Variants in TTC23L observed in about 807,000 individuals in gnomAD.
TTC23L encodes tetratricopeptide repeat protein 23-like.
Under a neutral mutation model 48.1 loss-of-function variants are expected in TTC23L, and 42 were observed. That is an observed-to-expected ratio of 0.87 (90% CI 0.68 to 1.13). The LOEUF is 1.13. TTC23L is among the 50% of genes most tolerant of loss of function. The pLI is 0.00. For missense variants in TTC23L, 391 were observed against 421.0 expected (o/e 0.93, Z 0.62); for synonymous variants, 159 against 157.2 (o/e 1.01, Z -0.09).
intron 3 of TTC23L, among the ~76,000 whole-genome samples, chr5:34,846,605 A>ACACC: frequency 7.1e-6 from 1 of 140,548 alleles, no homozygotes; most frequent in Admixed American, 7.1e-5. Flanking sequence ...ATATATACAC[A>ACACC]CACATATATA....
chr5:34,846,667 A>ATGTG lies in TTC23L; in HGVS notation c.255+1032_255+1035dup, dbSNP rs869123650. 6.0e-3 allele frequency among the ~76,000 whole-genome samples: 398 copies of ATGTG among 66,334 alleles called. 4 individuals are homozygous for ATGTG. Among genetic ancestry groups the ATGTG allele is most frequent in the South Asian group, 0.025 (31 of 1,250 alleles). 43.5% of individuals were successfully genotyped at this position (66,334 alleles called of 152,430 possible). A position where few individuals can be genotyped will look rare whatever the true frequency, so the allele number is the denominator to read the frequency against. On this transcript the variant is annotated intron_variant, in intron 3 of 10. Coordinates refer to ENST00000505624, the Ensembl canonical transcript of TTC23L. ...TATATACAAATACATATATGTGTGT[A>ATGTG]TGTGTGTGTGTGTGTGTGTGTGTGT...
intron 9 of TTC23L, among the ~76,000 whole-genome samples, chr5:34,890,781 T>C (rs1198114998): frequency 6.6e-6 from 1 of 151,736 alleles, no homozygotes; most frequent in African/African-American, 2.4e-5. Flanking sequence ...CTGCCTGGAG[T>C]TTTTTTTAAA....
intron 9 of TTC23L, among the ~76,000 whole-genome samples, chr5:34,891,435 G>A (rs1457878386): frequency 6.6e-6 from 1 of 152,162 alleles, no homozygotes; most frequent in South Asian, 2.1e-4. Flanking sequence ...ATAGTACAGT[G>A]CCTGGCAGAG....
chr5:34,907,825 A>G, the TTC23L span: 1 of 152,368 alleles, frequency 6.6e-6, no homozygotes, highest in South Asian at 2.1e-4. Context: ...ACTTCAGAAC[A>G]TTTGCAAGGA....
chr5:34,854,147 CCTAA>C (rs1392580819), intron 4 of TTC23L, among the ~76,000 whole-genome samples: 1 of 152,160 alleles, frequency 6.6e-6, no homozygotes, highest in Non-Finnish European at 1.5e-5. Context: ...TCCTTTTCTC[CCTAA>C]CTGACAGTTT....
the TTC23L span, chr5:34,925,423 A>G: frequency 6.2e-7 from 1 of 1,614,024 alleles, no homozygotes; most frequent in Admixed American, 1.7e-5. Context: ...TTGATTTGAA[A>G]GCAAGAAAGA....
At chr5:34,847,899 C>G (rs772939866) in intron 3 of TTC23L, among the ~76,000 whole-genome samples, 22 of 152,150 alleles carry the variant, frequency 1.4e-4, no homozygotes, top group Non-Finnish European at 3.2e-4. Context: ...TTGGAATAAC[C>G]TATGGTACTG....
intron 4 of TTC23L, among the ~76,000 whole-genome samples, chr5:34,855,544 C>T (rs1760055506): frequency 6.6e-6 from 1 of 152,158 alleles, no homozygotes; most frequent in Non-Finnish European, 1.5e-5. Flanking sequence ...AAACCCACTT[C>T]TGGGAATCTT....
intron 10 of TTC23L, among the ~76,000 whole-genome samples, chr5:34,897,679 T>C (rs1041811681): frequency 6.6e-6 from 1 of 152,192 alleles, no homozygotes; most frequent in African/African-American, 2.4e-5. Flanking sequence ...CTTTTTGAAA[T>C]GATCAGTGAT....
the TTC23L span, chr5:34,923,022 T>A: frequency 6.5e-7 from 1 of 1,540,614 alleles, no homozygotes; most frequent in Non-Finnish European, 9.0e-7. Flanking sequence ...ATTACCACAT[T>A]ATGCTTTGTT....
chr5:34,843,860 G>C (rs1051023139), intron 2 of TTC23L, among the ~76,000 whole-genome samples: 1 of 152,132 alleles, frequency 6.6e-6, no homozygotes, highest in Non-Finnish European at 1.5e-5. Context: ...CTATGAGCCA[G>C]ATATCAGGTT....
intron 2 of TTC23L, among the ~76,000 whole-genome samples, chr5:34,845,214 A>G (rs1473903869): frequency 1.3e-5 from 2 of 152,242 alleles, no homozygotes; most frequent in African/African-American, 4.8e-5. Context: ...TTCTCATTTT[A>G]CAGAGAAGTA....
At chr5:34,918,339 C>T in the TTC23L span, 13 of 1,212,162 alleles carry the variant, frequency 1.1e-5, no homozygotes, top group Non-Finnish European at 1.6e-5. Context: ...ATTTTAAAAT[C>T]TTTTAACATT....
rs911540907 is a variant in TTC23L, at chr5:34,863,373, T to G, written c.536+319T>G. ...TCAGTGTTAGCAATGAGGATGAGGG[T>G]GGTGGTGGTGGTGGTGGTGTAGTGA... On this transcript the variant is annotated intron_variant, in intron 5 of 10. Coordinates refer to ENST00000505624, the Ensembl canonical transcript of TTC23L. This position sits in a 1 kb window ranked among gnomAD's most constrained non-coding sequence, Gnocchi z 4.1. Among the ~76,000 whole-genome samples the G allele has an allele frequency of 1.3e-5, 2 of 151,576 alleles. No homozygotes were observed. The highest frequency in any genetic ancestry group is 1.9e-4 in the East Asian group (1 of 5,164).
Position 34,890,501 on chromosome 5 carries a change from G to A in TTC23L, c.1078-6269G>A, listed in dbSNP as rs115911159. On this transcript the variant is annotated intron_variant, in intron 9 of 10. Coordinates refer to ENST00000505624, the Ensembl canonical transcript of TTC23L. ...TTTGTTCATAAGATAGCTGGTAAAT[G>A]TAAGATTTGAATCCGGGTTGATCAG... Among the ~76,000 whole-genome samples the A allele has an allele frequency of 5.8e-3, 857 of 147,278 alleles. 8 individuals are homozygous for A. The highest frequency in any genetic ancestry group is 0.02 in the African/African-American group (813 of 40,104).
chr5:34,919,830 C>G, the TTC23L span: 1 of 970,056 alleles, frequency 1.0e-6, no homozygotes, highest in Non-Finnish European at 1.5e-6. Context: ...TCTTTTTTTT[C>G]TTTTTCTAGA....
At chr5:34,909,384 C>A in the TTC23L span, 1 of 1,463,096 alleles carries the variant, frequency 6.8e-7, no homozygotes, top group South Asian at 1.2e-5. Context: ...CTCATTTATT[C>A]ATTCATCCAA....
chr5:34,880,560 A>T, intron 9 of TTC23L: 3 of 473,842 alleles, frequency 6.3e-6, no homozygotes, highest in South Asian at 6.3e-5. Flanking sequence ...GAGTAGGCTC[A>T]AAGTATTTTA....
chr5:34,900,829 GGA>G (rs1304501613), downstream of TTC23L, among the ~76,000 whole-genome samples: 27 of 152,210 alleles, frequency 1.8e-4, no homozygotes, highest in African/African-American at 6.5e-4. Context: ...GAAATTTACT[GGA>G]GAGTTGAACT....
Sources: allele counts gnomAD v4.1 joint callset (sites outside exome capture counted in the v4.1 genomes callset), GRCh38; gene constraint gnomAD v4.1.1; non-coding constraint Gnocchi (gnomAD v3.1); transcripts MANE v1.5; gene names NCBI Gene and HGNC (gene_info 2026-07-23, HGNC 2026-07-21).